Variants in DRC11 observed in about 807,000 individuals in gnomAD.
The protein encoded by DRC11 is dynein regulatory complex subunit 11.
the DRC11 span, among the ~76,000 whole-genome samples, chr2:236,390,765 A>G: frequency 6.6e-6 from 1 of 151,368 alleles, no homozygotes; most frequent in African/African-American, 2.4e-5. This position sits in a 1 kb window ranked among gnomAD's most constrained non-coding sequence, Gnocchi z 5.9. Flanking sequence ...TGGGAGGCCC[A>G]TGGTTCTGGG....
At chr2:236,486,686 T>G in the DRC11 span, 1 of 642,962 alleles carries the variant, frequency 1.6e-6, no homozygotes, top group East Asian at 2.7e-5. This position sits in a 1 kb window ranked among gnomAD's most constrained non-coding sequence, Gnocchi z 5.7. Context: ...TGGGCAGGCT[T>G]CTGTACCATA....
At chr2:236,471,471 T>C in the DRC11 span, among the ~76,000 whole-genome samples, 7 of 152,202 alleles carry the variant, frequency 4.6e-5, no homozygotes, top group African/African-American at 1.7e-4. The surrounding 1 kb of genome is among the most constrained non-coding windows in gnomAD (Gnocchi z 4.6). Flanking sequence ...TTTTTGATAT[T>C]TGCTAACTTA....
the DRC11 span, among the ~76,000 whole-genome samples, chr2:236,429,481 C>T: frequency 6.6e-6 from 1 of 152,150 alleles, no homozygotes; most frequent in Non-Finnish European, 1.5e-5. This position sits in a 1 kb window ranked among gnomAD's most constrained non-coding sequence, Gnocchi z 5.9. Context: ...ACTGGTTATG[C>T]TCATCTAGTT....
At chr2:236,453,378 T>C in the DRC11 span, among the ~76,000 whole-genome samples, 26 of 152,330 alleles carry the variant, frequency 1.7e-4, no homozygotes, top group African/African-American at 6.3e-4. This position sits in a 1 kb window ranked among gnomAD's most constrained non-coding sequence, Gnocchi z 4.9. Flanking sequence ...TCTATCATAT[T>C]TATGAAACAC....
At chr2:236,450,613 C>T in the DRC11 span, among the ~76,000 whole-genome samples, 39 of 152,248 alleles carry the variant, frequency 2.6e-4, no homozygotes, top group Middle Eastern at 3.4e-3. Context: ...CCACAATGCC[C>T]GGCCTATTCA....
chr2:236,354,770 C>T, the DRC11 span, among the ~76,000 whole-genome samples: 1 of 152,158 alleles, frequency 6.6e-6, no homozygotes. Flanking sequence ...GTTTCCACAC[C>T]TGACTGACAC....
chr2:236,407,802 A>G, the DRC11 span: 1 of 260,470 alleles, frequency 3.8e-6, no homozygotes. Context: ...AGTGGAAAAT[A>G]ACTTTTAGTG....
the DRC11 span, among the ~76,000 whole-genome samples, chr2:236,361,704 A>G: frequency 2.6e-5 from 4 of 152,206 alleles, no homozygotes; most frequent in South Asian, 8.3e-4. The surrounding 1 kb of genome is among the most constrained non-coding windows in gnomAD (Gnocchi z 5.7). Context: ...AAGTTGAATG[A>G]AAGAGGAATG....
the DRC11 span, chr2:236,407,844 C>T: frequency 3.1e-6 from 1 of 319,522 alleles, no homozygotes; most frequent in South Asian, 2.9e-5. Flanking sequence ...CTATTCCTGG[C>T]ATTAAGCTCC....
chr2:236,433,560 C>A, the DRC11 span, among the ~76,000 whole-genome samples: 1 of 152,234 alleles, frequency 6.6e-6, no homozygotes, highest in Non-Finnish European at 1.5e-5. Context: ...TTTGCATGCA[C>A]AACAGCGATT....
At chr2:236,427,944 T>C in the DRC11 span, among the ~76,000 whole-genome samples, 3 of 152,280 alleles carry the variant, frequency 2.0e-5, no homozygotes, top group South Asian at 6.2e-4. This position sits in a 1 kb window ranked among gnomAD's most constrained non-coding sequence, Gnocchi z 5.9. Context: ...CCATTTTTAT[T>C]GGTTTCAAGA....
chr2:236,487,829 C>T, the DRC11 span, among the ~76,000 whole-genome samples: 2 of 152,184 alleles, frequency 1.3e-5, no homozygotes, highest in African/African-American at 4.8e-5. Flanking sequence ...TATGACCAAG[C>T]TTAGTTAATG....
At chr2:236,319,876 T>G in the DRC11 span, among the ~76,000 whole-genome samples, 1 of 152,308 alleles carries the variant, frequency 6.6e-6, no homozygotes, top group East Asian at 1.9e-4. The surrounding 1 kb of genome is among the most constrained non-coding windows in gnomAD (Gnocchi z 6.7). Flanking sequence ...GCCTGATCCC[T>G]CAGCCTAGGT....
At chr2:236,356,659 A>G in the DRC11 span, among the ~76,000 whole-genome samples, 1 of 151,826 alleles carries the variant, frequency 6.6e-6, no homozygotes, top group African/African-American at 2.4e-5. Context: ...CAATTAAAAG[A>G]GAAAATATGT....
At chr2:236,470,669 C>A in the DRC11 span, among the ~76,000 whole-genome samples, 1 of 152,058 alleles carries the variant, frequency 6.6e-6, no homozygotes, top group Non-Finnish European at 1.5e-5. The surrounding 1 kb of genome is among the most constrained non-coding windows in gnomAD (Gnocchi z 5.1). Flanking sequence ...ATTTATGTAT[C>A]TGTGTTTATA....
At chr2:236,484,596 T>C in the DRC11 span, among the ~76,000 whole-genome samples, 1 of 151,806 alleles carries the variant, frequency 6.6e-6, no homozygotes, top group African/African-American at 2.4e-5. Context: ...GCTCATATTC[T>C]TGGCTTTTTT....
the DRC11 span, among the ~76,000 whole-genome samples, chr2:236,462,784 T>A: frequency 5.3e-5 from 8 of 152,254 alleles, no homozygotes; most frequent in Admixed American, 4.6e-4. The surrounding 1 kb of genome is among the most constrained non-coding windows in gnomAD (Gnocchi z 6.4). Context: ...TCAGATGCAG[T>A]AAGGAGAAGA....
chr2:236,467,990 C>T, the DRC11 span, among the ~76,000 whole-genome samples: 1 of 152,136 alleles, frequency 6.6e-6, no homozygotes, highest in Admixed American at 6.5e-5. Context: ...CCCATAAAAT[C>T]AGTTAAAAGA....
chr2:236,319,259 G>A, the DRC11 span, among the ~76,000 whole-genome samples: 6 of 152,302 alleles, frequency 3.9e-5, no homozygotes, highest in Non-Finnish European at 5.9e-5. The surrounding 1 kb of genome is among the most constrained non-coding windows in gnomAD (Gnocchi z 6.7). Context: ...ATGTGCCCTC[G>A]TGCCAGGCAT....
Sources: gnomAD v4.1 joint callset for allele counts (sites outside exome capture counted in the v4.1 genomes callset) on GRCh38, gnomAD v4.1.1 for gene constraint, Gnocchi (gnomAD v3.1) non-coding constraint, MANE v1.5 for transcripts, NCBI Gene and HGNC (gene_info 2026-07-23, HGNC 2026-07-21) for gene names.